PHIP: variants seen among roughly 807,000 people sequenced by gnomAD.
The protein encoded by PHIP is PH-interacting protein.
Under a neutral mutation model 236.8 loss-of-function variants are expected in PHIP, and 54 were observed. The ratio of observed to expected loss-of-function variants is 0.23; its 90% CI spans 0.18 to 0.29. The LOEUF is 0.29. PHIP is among the 10% of genes least tolerant of loss of function. The probability of loss-of-function intolerance (pLI) is 1.00; values close to 1 mark genes in which losing one functional copy is unlikely to be tolerated. For missense variants in PHIP, 1,370 were observed against 2,190.8 expected (o/e 0.63, Z 7.48); for synonymous variants, 756 against 718.9 (o/e 1.05, Z -0.83).
intron 4 of PHIP, among the ~76,000 whole-genome samples, chr6:79,065,604 C>T (rs765775573): frequency 4.6e-5 from 7 of 152,132 alleles, no homozygotes; most frequent in Non-Finnish European, 5.9e-5. Context: ...TCTACACAAT[C>T]CAAGTCTGTT....
chr6:79,016,733 C>T (rs1770848872), intron 12 of PHIP, 91 bp from the exon 13 acceptor site: 1 of 752,702 alleles, frequency 1.3e-6, no homozygotes, highest in Non-Finnish European at 2.2e-6. Flanking sequence ...AAAAAGACAG[C>T]ATTCATCTTT....
rs1773186641 is a variant in PHIP, at chr6:78,934,426, T to C, written c.*6267A>G. On this transcript the variant is annotated 3_prime_UTR_variant, in exon 40 of 40. Coordinates refer to ENST00000275034, the MANE Select transcript of PHIP (RefSeq NM_017934.7). ...ATGCAAAGCACAATAAAATAAAGTG[T>C]GCCTGTACTTCTTTTTATTAGTAAA... 6.6e-6 allele frequency among the ~76,000 whole-genome samples: 1 copy of C among 152,254 alleles called. No individual in the cohort carries two copies. The highest frequency in any genetic ancestry group is 1.5e-5 in the Non-Finnish European group (1 of 68,052).
intron 15 of PHIP, among the ~76,000 whole-genome samples, chr6:79,010,596 A>C (rs1770526894): frequency 6.6e-6 from 1 of 151,950 alleles, no homozygotes; most frequent in African/African-American, 2.4e-5. Flanking sequence ...GACAGGAGGC[A>C]ACAAACTACA....
At chr6:79,002,329 T>A (rs2127731987) in intron 16 of PHIP, among the ~76,000 whole-genome samples, 1 of 152,246 alleles carries the variant, frequency 6.6e-6, no homozygotes, top group South Asian at 2.1e-4. Context: ...GAAAAGTAGC[T>A]GCTTTAAATT....
At chr6:79,048,003 ATTT>A (rs369839344) in intron 6 of PHIP, among the ~76,000 whole-genome samples, 2 of 144,852 alleles carry the variant, frequency 1.4e-5, no homozygotes, top group Non-Finnish European at 3.0e-5. Context: ...ATACATATGT[ATTT>A]TTTTTTTTTC....
intron 39 of PHIP, among the ~76,000 whole-genome samples, chr6:78,943,988 TTTAAAAAAAAAAAAA>T (rs1318946677): frequency 4.1e-5 from 1 of 24,348 alleles, no homozygotes; most frequent in East Asian, 3.4e-3. Context: ...CCTGTCTTTT[TTTAAAAAAAAAAAAA>T]AAAAAAAAAA....
intron 4 of PHIP, among the ~76,000 whole-genome samples, chr6:79,067,536 T>C (rs918784441): frequency 1.3e-5 from 2 of 152,242 alleles, no homozygotes; most frequent in African/African-American, 4.8e-5. Context: ...TATTTGAGGC[T>C]TTAAGAATAA....
At chr6:79,031,873 C>A (rs1462366344) in intron 7 of PHIP, among the ~76,000 whole-genome samples, 1 of 152,034 alleles carries the variant, frequency 6.6e-6, no homozygotes, top group African/African-American at 2.4e-5. Flanking sequence ...TTTTGTAAAT[C>A]CCTTTAAAAA....
intron 19 of PHIP, among the ~76,000 whole-genome samples, chr6:78,992,911 G>C (rs191456460): frequency 7.2e-5 from 11 of 152,270 alleles, no homozygotes. Flanking sequence ...CTGTGATAAA[G>C]GCATGTCAAA....
chr6:78,965,824 A>G, intron 28 of PHIP, 60 bp from the exon 29 acceptor site: 2 of 1,188,050 alleles, frequency 1.7e-6, no homozygotes, highest in Admixed American at 1.9e-5. Flanking sequence ...CAATTTTAAT[A>G]AAATCAATTA....
In PHIP at chr6:79,002,015, G is replaced by C; in HGVS notation, c.1763C>G (p.Pro588Arg). The C allele has an allele frequency of 1.2e-6, 2 of 1,613,210 alleles. No individual in the cohort carries two copies. The highest frequency in any genetic ancestry group is 1.7e-6 in the Non-Finnish European group (2 of 1,179,422). Residue 588 changes from proline to arginine, a missense_variant, in exon 17 of 40, where the codon CCT (proline) becomes CGT (arginine). This residue lies in a region of PHIP where 133 missense variants were observed against 245.2 expected (regional missense o/e 0.54). Coordinates refer to ENST00000275034, the MANE Select transcript of PHIP (RefSeq NM_017934.7). ...TQQAPHLMPPPFLVDVDGNPH... is the reference protein window; with the variant it reads ...TQQAPHLMPPRFLVDVDGNPH... Reference sequence around the variant, plus strand: ...GTTACCATCAACATCAACCAAAAAAGGGGGAGGCATAAGATGAGGTGCTTG... The same window carrying C: ...GTTACCATCAACATCAACCAAAAAACGGGGAGGCATAAGATGAGGTGCTTG...
chr6:78,973,411 C>A (rs889156512), intron 24 of PHIP, among the ~76,000 whole-genome samples: 2 of 149,042 alleles, frequency 1.3e-5, no homozygotes, highest in South Asian at 4.4e-4. Context: ...CGGTACCAGC[C>A]GCTGCAAAAT....
intron 8 of PHIP, 22 bp downstream of exon 8, chr6:79,025,921 G>A: frequency 2.1e-6 from 3 of 1,450,334 alleles, no homozygotes; most frequent in Non-Finnish European, 2.9e-6. Context: ...CAACAACAAT[G>A]TATAGGGATT....
chr6:79,037,653 T>C (rs1772005900), intron 7 of PHIP, among the ~76,000 whole-genome samples: 1 of 152,190 alleles, frequency 6.6e-6, no homozygotes, highest in South Asian at 2.1e-4. Context: ...AAGCCACAAA[T>C]GGGCTTTCCA....
intron 4 of PHIP, chr6:79,067,660 A>C (rs1189390504): frequency 6.6e-6 from 1 of 152,384 alleles, no homozygotes; most frequent in Non-Finnish European, 1.5e-5. Context: ...ATTTACCCAC[A>C]GCAGCCATTA....
At chr6:78,970,996 T>C (rs775786681) in intron 24 of PHIP, 108 bp from the exon 25 acceptor site, 10 of 696,394 alleles carry the variant, frequency 1.4e-5, no homozygotes, top group African/African-American at 1.1e-4. Context: ...TTTCAGCTAA[T>C]AGAAATTCTA....
At chr6:78,955,171 A>G (rs1766332996) in intron 34 of PHIP, 61 bp downstream of exon 34, 1 of 1,165,784 alleles carries the variant, frequency 8.6e-7, no homozygotes, top group Non-Finnish European at 1.2e-6. Context: ...AAAAATAAAG[A>G]AAGCTCTTAA....
chr6:79,002,132 A>G lies in PHIP; in HGVS notation c.1654-8T>C. 1 of 1,588,434 alleles carries G rather than the reference A, an allele frequency of 6.3e-7. No homozygotes were observed. Among genetic ancestry groups the G allele is most frequent in the Non-Finnish European group, 8.6e-7 (1 of 1,158,404 alleles). On this transcript the variant is annotated splice_region_variant and splice_polypyrimidine_tract_variant and intron_variant, in intron 16 of 39. Transcript: ENST00000275034. Reference sequence around the variant, plus strand: ...GAACATCTGATCTGCTATCTGCAAAAAGAAAAGTCCATAAAAGACTGGAAA... The same window carrying G: ...GAACATCTGATCTGCTATCTGCAAAGAGAAAAGTCCATAAAAGACTGGAAA...
intron 4 of PHIP, among the ~76,000 whole-genome samples, chr6:79,065,456 T>G (rs1051396635): frequency 3.9e-5 from 6 of 152,176 alleles, no homozygotes; most frequent in Non-Finnish European, 5.9e-5. Context: ...TTTCAGGTTA[T>G]TTACGCATAA....
Sources: gnomAD v4.1 joint callset for allele counts (sites outside exome capture counted in the v4.1 genomes callset) on GRCh38, gnomAD v4.1.1 for gene constraint, gnomAD v4.1.1 regional missense constraint, MANE v1.5 for transcripts, NCBI Gene and HGNC (gene_info 2026-07-23, HGNC 2026-07-21) for gene names.